Variants in TMEM132C observed in about 807,000 individuals in gnomAD.
The protein encoded by TMEM132C is protein phosphatase 1, regulatory subunit 152.
Under a neutral mutation model 61.4 loss-of-function variants are expected in TMEM132C, and 29 were observed. The observed-to-expected ratio is 0.47, with a 90% CI of 0.35 to 0.64. The LOEUF is 0.64. Among genes scored for constraint, TMEM132C ranks in the 30% least tolerant of loss-of-function variants. The pLI is 0.00. For missense variants in TMEM132C, 1,408 were observed against 1,476.9 expected, an observed-to-expected ratio of 0.95 and a Z score of 0.76; for synonymous variants, 656 against 633.1, an observed-to-expected ratio of 1.04 and a Z score of -0.54.
At chr12:128,642,144 T>C (rs1051818363) in intron 4 of TMEM132C, among the ~76,000 whole-genome samples, 4 of 150,870 alleles carry the variant, frequency 2.7e-5, no homozygotes, top group Admixed American at 2.6e-4. Flanking sequence ...TTTATTTTGT[T>C]TTATTGGAGA....
intron 1 of TMEM132C, among the ~76,000 whole-genome samples, chr12:128,342,005 ACTT>A (rs1027274851): frequency 6.9e-6 from 1 of 144,824 alleles, no homozygotes; most frequent in African/African-American, 2.5e-5. Flanking sequence ...ACCTGGCCAC[ACTT>A]CTTTTTTTTT....
chr12:128,513,271 T>C (rs549539394), intron 2 of TMEM132C, among the ~76,000 whole-genome samples: 1 of 152,058 alleles, frequency 6.6e-6, no homozygotes, highest in South Asian at 2.1e-4. Flanking sequence ...GGCTGCGGGG[T>C]GTCAGTATGG....
intron 2 of TMEM132C, among the ~76,000 whole-genome samples, chr12:128,460,150 A>G (rs1018120726): frequency 3.9e-5 from 6 of 152,196 alleles, no homozygotes; most frequent in African/African-American, 9.6e-5. Flanking sequence ...GATTTCACTT[A>G]TAAGTGACAG....
chr12:128,682,298 A>G (rs1314281622), intron 5 of TMEM132C, among the ~76,000 whole-genome samples: 1 of 152,082 alleles, frequency 6.6e-6, no homozygotes, highest in Non-Finnish European at 1.5e-5. Context: ...CCACCCCCTT[A>G]TTCTTTGTCG....
intron 1 of TMEM132C, among the ~76,000 whole-genome samples, chr12:128,359,336 A>G (rs1018410119): frequency 1.3e-5 from 2 of 152,188 alleles, no homozygotes; most frequent in East Asian, 3.9e-4. Flanking sequence ...GAGCATGTGC[A>G]GGGGAACTCT....
chr12:128,322,076 C>T (rs899798624), intron 1 of TMEM132C, among the ~76,000 whole-genome samples: 2 of 152,230 alleles, frequency 1.3e-5, no homozygotes, highest in Non-Finnish European at 2.9e-5. Context: ...ATTTTCCGTC[C>T]TCTCGAACCT....
chr12:128,702,310 C>T (rs962780182), intron 8 of TMEM132C, among the ~76,000 whole-genome samples: 6 of 150,688 alleles, frequency 4.0e-5, no homozygotes, highest in African/African-American at 9.8e-5. Flanking sequence ...TTTGTTGGTT[C>T]GTTTTATGTT....
Position 128,340,904 on chromosome 12 carries a change from TTCTC to T in TMEM132C, c.85+73425_85+73428del, listed in dbSNP as rs202196001. On this transcript the variant is annotated intron_variant, in intron 1 of 8. Transcript: ENST00000435159. ...TTTTTCTTTTTCTTTCTTTCTCTCT[TTCTC>T]TCTCTCTTTCTCTCTCTCTCTCTCT... Among the ~76,000 whole-genome samples the T allele has an allele frequency of 5.8e-3, 709 of 122,434 alleles. 3 individuals are homozygous for T. The highest frequency in any genetic ancestry group is 0.025 in the African/African-American group (677 of 26,718). The allele number at this position is 122,434 out of a possible 152,430, so 80.3% of individuals were successfully genotyped here. A position where few individuals can be genotyped will look rare whatever the true frequency, so the allele number is the denominator to read the frequency against.
intron 1 of TMEM132C, among the ~76,000 whole-genome samples, chr12:128,338,388 C>A (rs1378495637): frequency 6.6e-6 from 1 of 152,188 alleles, no homozygotes; most frequent in East Asian, 1.9e-4. Flanking sequence ...CCAGGGAAGA[C>A]CTTATCTCTG....
At chr12:128,621,635 C>T (rs1018983483) in intron 4 of TMEM132C, among the ~76,000 whole-genome samples, 5 of 152,192 alleles carry the variant, frequency 3.3e-5, no homozygotes, top group African/African-American at 1.2e-4. Context: ...ATCCTCCATC[C>T]GTGGTACTGT....
At position 128,630,716 on chromosome 12, in the gene TMEM132C, A is replaced by G. The variant is rs889173042; in HGVS notation, c.1305+14381A>G. Among the ~76,000 whole-genome samples the G allele has an allele frequency of 6.6e-6, 1 of 152,116 alleles. No homozygotes were observed. Among genetic ancestry groups the G allele is most frequent in the African/African-American group, 2.4e-5 (1 of 41,404 alleles). Reference sequence around the variant, plus strand: ...TCAATATCTAGTCGATGGCCAAAACATATCTACATTGAATAAGTGAGTTAT... The same window carrying G: ...TCAATATCTAGTCGATGGCCAAAACGTATCTACATTGAATAAGTGAGTTAT... On this transcript the variant is annotated intron_variant, in intron 4 of 8. Transcript: ENST00000435159. This position sits in a 1 kb window ranked among gnomAD's most constrained non-coding sequence, Gnocchi z 4.3.
intron 2 of TMEM132C, among the ~76,000 whole-genome samples, chr12:128,485,318 A>G (rs1455900939): frequency 6.6e-6 from 1 of 152,154 alleles, no homozygotes; most frequent in East Asian, 1.9e-4. Context: ...CTGGGATTGC[A>G]GGCAACTGCC....
intron 5 of TMEM132C, among the ~76,000 whole-genome samples, chr12:128,671,268 A>G (rs1471154333): frequency 1.3e-5 from 2 of 152,204 alleles, no homozygotes. Flanking sequence ...GCTTGCCTAG[A>G]GTAATGTGTG....
At chr12:128,392,786 TAA>T (rs9300287) in intron 1 of TMEM132C, among the ~76,000 whole-genome samples, 4,866 of 141,716 alleles carry the variant, frequency 0.034, 228 homozygotes, top group African/African-American at 0.11. Context: ...GCTGATGAGC[TAA>T]AAAAAAAAAA....
chr12:128,444,998 C>A (rs886335532), intron 2 of TMEM132C, among the ~76,000 whole-genome samples: 1 of 152,000 alleles, frequency 6.6e-6, no homozygotes, highest in African/African-American at 2.4e-5. Flanking sequence ...GCTTTCCCGC[C>A]GTTGGGGTTA....
chr12:128,481,620 C>T (rs1012700167), intron 2 of TMEM132C, among the ~76,000 whole-genome samples: 1 of 152,216 alleles, frequency 6.6e-6, no homozygotes, highest in South Asian at 2.1e-4. Context: ...AGTGTCAAAG[C>T]GCAGGTCCCA....
At chr12:128,344,016 G>A (rs1416213264) in intron 1 of TMEM132C, among the ~76,000 whole-genome samples, 1 of 152,096 alleles carries the variant, frequency 6.6e-6, no homozygotes, top group Non-Finnish European at 1.5e-5. Flanking sequence ...TCTATTATAT[G>A]GATATTCCAC....
At chr12:128,640,519 G>A (rs1954149665) in intron 4 of TMEM132C, among the ~76,000 whole-genome samples, 3 of 152,094 alleles carry the variant, frequency 2.0e-5, no homozygotes, top group South Asian at 4.2e-4. Context: ...GTTTCTTTTG[G>A]GGGTGATGAA....
intron 1 of TMEM132C, chr12:128,289,069 AAC>A (rs1411299959): frequency 6.6e-6 from 1 of 152,224 alleles, no homozygotes; most frequent in Non-Finnish European, 1.5e-5. Context: ...CACACTCATG[AAC>A]ACACATGCAC....
Sources: allele counts gnomAD v4.1 joint callset (sites outside exome capture counted in the v4.1 genomes callset), GRCh38; gene constraint gnomAD v4.1.1; non-coding constraint Gnocchi (gnomAD v3.1); transcripts MANE v1.5; gene names NCBI Gene and HGNC (gene_info 2026-07-23, HGNC 2026-07-21).